The following TTC17 variants were observed in gnomAD, a reference collection of about 807,000 sequenced individuals.
TTC17 encodes the protein tetratricopeptide repeat protein 17.
Under a neutral mutation model 143.8 loss-of-function variants are expected in TTC17, and 58 were observed. The observed-to-expected ratio is 0.40, with a 90% CI of 0.33 to 0.50. The LOEUF is 0.50. TTC17 is among the 20% of genes least tolerant of loss of function. The probability of loss-of-function intolerance (pLI) is 0.49; values close to 1 mark genes in which losing one functional copy is unlikely to be tolerated. For synonymous variants in TTC17, 501 were observed against 497.8 expected, an observed-to-expected ratio of 1.01 and a Z score of -0.09; for missense variants, 1,273 against 1,392.5, an observed-to-expected ratio of 0.91 and a Z score of 1.37.
intron 1 of TTC17, among the ~76,000 whole-genome samples, chr11:43,363,979 A>T (rs72898999): frequency 0.074 from 11,070 of 149,240 alleles, 567 homozygotes; most frequent in Middle Eastern, 0.18. Flanking sequence ...AATAAGTGTG[A>T]GTTCATTCGG....
chr11:43,362,069 C>T (rs1448544548), intron 1 of TTC17, among the ~76,000 whole-genome samples: 1 of 151,662 alleles, frequency 6.6e-6, no homozygotes, highest in African/African-American at 2.4e-5. Context: ...CAACCTCCGC[C>T]TCCCGGGTTC....
intron 8 of TTC17, among the ~76,000 whole-genome samples, chr11:43,398,517 TCTC>T (rs1402824366): frequency 1.3e-5 from 2 of 152,182 alleles, no homozygotes; most frequent in African/African-American, 2.4e-5. Flanking sequence ...AGTTGATATT[TCTC>T]CTCTTGGAGA....
intron 1 of TTC17, among the ~76,000 whole-genome samples, chr11:43,366,026 G>T (rs1036487811): frequency 6.6e-6 from 1 of 151,168 alleles, no homozygotes; most frequent in African/African-American, 2.4e-5. Context: ...CTGTCGCCAG[G>T]CTGTAGTGCA....
chr11:43,430,000 A>G (rs1358285363), intron 16 of TTC17, among the ~76,000 whole-genome samples: 4 of 152,232 alleles, frequency 2.6e-5, no homozygotes, highest in Non-Finnish European at 5.9e-5. Flanking sequence ...ATTTTGAATT[A>G]TAGCTCCTAT....
chr11:43,367,761 A>G (rs1213895716), intron 1 of TTC17, among the ~76,000 whole-genome samples: 1 of 151,928 alleles, frequency 6.6e-6, no homozygotes. Context: ...TTTTACAGAC[A>G]GACACCCTAA....
At position 43,473,814 on chromosome 11, in the gene TTC17, C is replaced by T. The variant is rs543042449; in HGVS notation, c.3031-16425C>T. Among the ~76,000 whole-genome samples, 8 of 149,262 alleles carry T rather than the reference C, an allele frequency of 5.4e-5. No homozygotes were observed. The South Asian group carries it at 1.1e-3, about 20-fold the overall frequency. On this transcript the variant is annotated intron_variant, in intron 21 of 23. Coordinates refer to ENST00000039989, the MANE Select transcript of TTC17 (RefSeq NM_018259.6). Reference sequence around the variant, plus strand: ...CAGGAGAATCACTTGAACTGGGAGGCGGAGGTTTCAGTGAGCCAAGATTGC... The same window carrying T: ...CAGGAGAATCACTTGAACTGGGAGGTGGAGGTTTCAGTGAGCCAAGATTGC...
intron 10 of TTC17, among the ~76,000 whole-genome samples, chr11:43,403,499 G>A (rs1565147948): frequency 6.6e-6 from 1 of 152,100 alleles, no homozygotes; most frequent in East Asian, 1.9e-4. Flanking sequence ...CTCTCATCTA[G>A]GTTACCCTTT....
chr11:43,414,196 G>A (rs1360168573), intron 15 of TTC17, among the ~76,000 whole-genome samples: 1 of 152,118 alleles, frequency 6.6e-6, no homozygotes, highest in Non-Finnish European at 1.5e-5. Flanking sequence ...ACTCATAGGA[G>A]AACATGCAGT....
intron 21 of TTC17, among the ~76,000 whole-genome samples, chr11:43,461,084 A>G (rs1460184896): frequency 3.3e-5 from 5 of 152,200 alleles, no homozygotes; most frequent in Non-Finnish European, 7.3e-5. Context: ...TTAAACAGAA[A>G]TGATAAAAAC....
intron 16 of TTC17, among the ~76,000 whole-genome samples, chr11:43,441,827 G>A (rs190653404): frequency 2.6e-5 from 4 of 152,128 alleles, no homozygotes. Flanking sequence ...TTTAAATAAC[G>A]ATAAATATTA....
chr11:43,373,215 A>G (rs1343245015), intron 1 of TTC17, among the ~76,000 whole-genome samples: 2 of 152,182 alleles, frequency 1.3e-5, no homozygotes, highest in African/African-American at 2.4e-5. Flanking sequence ...AAGTAGCTTA[A>G]GGATAAAGAG....
intron 1 of TTC17, chr11:43,370,099 G>A (rs559296687): frequency 1.1e-5 from 5 of 454,994 alleles, no homozygotes; most frequent in Admixed American, 2.4e-5. Context: ...GAGCCCATGC[G>A]TATCTCTCTC....
intron 10 of TTC17, among the ~76,000 whole-genome samples, chr11:43,403,391 C>T (rs1305732105): frequency 6.6e-6 from 1 of 152,168 alleles, no homozygotes; most frequent in African/African-American, 2.4e-5. Context: ...GTCCCATTCT[C>T]ATTATCTAGC....
chr11:43,442,200 A>G (rs770762451), intron 16 of TTC17, among the ~76,000 whole-genome samples: 1 of 152,230 alleles, frequency 6.6e-6, no homozygotes, highest in Admixed American at 6.5e-5. Flanking sequence ...GGGGAAATAC[A>G]GTATTATAAT....
intron 16 of TTC17, among the ~76,000 whole-genome samples, chr11:43,433,527 A>G (rs1378975251): frequency 6.6e-6 from 1 of 152,220 alleles, no homozygotes; most frequent in African/African-American, 2.4e-5. Context: ...AGACATTCTT[A>G]GAATGCACAT....
At chr11:43,456,212 A>ACC (rs1947761094) in intron 21 of TTC17, among the ~76,000 whole-genome samples, 1 of 150,018 alleles carries the variant, frequency 6.7e-6, no homozygotes, top group African/African-American at 2.4e-5. Flanking sequence ...ACACACACAC[A>ACC]CCACTTAGCA....
chr11:43,463,372 ATACAAAATAAAAATAGCT>A (rs1053083479), intron 21 of TTC17, among the ~76,000 whole-genome samples: 3 of 152,260 alleles, frequency 2.0e-5, no homozygotes, highest in South Asian at 2.1e-4. Context: ...GCCAGAAATC[ATACAAAATAAAAATAGCT>A]TACAAAATAA....
At chr11:43,359,399 G>A in intron 1 of TTC17, 1 of 397,136 alleles carries the variant, frequency 2.5e-6, no homozygotes, top group Non-Finnish European at 4.5e-6. Flanking sequence ...CGGGCCCTAC[G>A]GACCTTTTTT....
At chr11:43,364,195 T>A (rs1380560607) in intron 1 of TTC17, among the ~76,000 whole-genome samples, 1 of 151,958 alleles carries the variant, frequency 6.6e-6, no homozygotes, top group Non-Finnish European at 1.5e-5. Context: ...TAGCTGGGAC[T>A]ACAGGTGTGC....
Sources: gnomAD v4.1 joint callset for allele counts (sites outside exome capture counted in the v4.1 genomes callset) on GRCh38, gnomAD v4.1.1 for gene constraint, MANE v1.5 for transcripts, NCBI Gene and HGNC (gene_info 2026-07-23, HGNC 2026-07-21) for gene names.